The following F13A1 variants were observed in gnomAD, a reference collection of about 807,000 sequenced individuals.
F13A1 encodes coagulation factor XIII A chain.
Under a neutral mutation model 80.1 loss-of-function variants are expected in F13A1, and 47 were observed. That is an observed-to-expected ratio of 0.59 (90% CI 0.46 to 0.75). The LOEUF is 0.75. Among genes scored for constraint, F13A1 ranks in the 30% least tolerant of loss-of-function variants. The pLI is 0.00. For missense variants in F13A1, 817 were observed against 930.4 expected (o/e 0.88, Z 1.59); for synonymous variants, 349 against 344.9 (o/e 1.01, Z -0.13).
chr6:6,250,190 T>C lies in F13A1; in HGVS notation c.690+621A>G, dbSNP rs553136022. Among the ~76,000 whole-genome samples the C allele has an allele frequency of 2.2e-4, 34 of 152,314 alleles. No homozygotes were observed. In the South Asian group the frequency reaches 5.0e-3, roughly 22 times the overall value. On this transcript the variant is annotated intron_variant, in intron 5 of 14. Transcript: ENST00000264870. The surrounding 1 kb of genome is among the most constrained non-coding windows in gnomAD (Gnocchi z 4.2). ...TGAAATCACAGGACATGCATTCATT[T>C]ATGGAAAATTGGTAAAATATCATTC...
chr6:6,167,362 T>TAA, intron 13 of F13A1, 96 bp downstream of exon 13: 6 of 1,114,116 alleles, frequency 5.4e-6, no homozygotes, highest in Non-Finnish European at 7.7e-6. Context: ...GGACATTCAT[T>TAA]CACACACACA....
At chr6:6,270,030 A>T (rs189840471) in intron 3 of F13A1, among the ~76,000 whole-genome samples, 59 of 152,246 alleles carry the variant, frequency 3.9e-4, no homozygotes, top group Middle Eastern at 3.4e-3. Context: ...GTTTATATAA[A>T]GTTTAATTGG....
intron 6 of F13A1, among the ~76,000 whole-genome samples, chr6:6,233,011 G>A (rs111930227): frequency 0.026 from 3,975 of 151,908 alleles, 181 homozygotes; most frequent in African/African-American, 0.09. Flanking sequence ...CCAAAGGAGC[G>A]CAAACTGACA....
At chr6:6,191,887 G>T (rs1379352259) in intron 10 of F13A1, among the ~76,000 whole-genome samples, 5 of 152,224 alleles carry the variant, frequency 3.3e-5, no homozygotes, top group African/African-American at 1.2e-4. Flanking sequence ...GGGAGAAATG[G>T]AGTACACACT....
chr6:6,296,344 C>T (rs1758327554), intron 3 of F13A1, among the ~76,000 whole-genome samples: 1 of 148,374 alleles, frequency 6.7e-6, no homozygotes, highest in African/African-American at 2.5e-5. Flanking sequence ...GGCAGTATGG[C>T]CATTTTCACG....
chr6:6,293,810 G>GGAGA (rs1758271351), intron 3 of F13A1, among the ~76,000 whole-genome samples: 1 of 119,006 alleles, frequency 8.4e-6, no homozygotes, highest in African/African-American at 3.5e-5. Context: ...AGGGAGGGAG[G>GGAGA]GAGGGAGGGA....
intron 6 of F13A1, among the ~76,000 whole-genome samples, chr6:6,239,849 A>G (rs1331102492): frequency 6.6e-6 from 1 of 152,120 alleles, no homozygotes; most frequent in Non-Finnish European, 1.5e-5. Flanking sequence ...CGTATGAGAG[A>G]GGGAAAAATG....
chr6:6,203,918 T>C (rs1263073820), intron 8 of F13A1, among the ~76,000 whole-genome samples: 2 of 152,204 alleles, frequency 1.3e-5, no homozygotes, highest in Non-Finnish European at 2.9e-5. Flanking sequence ...ATAATAAACA[T>C]GTATTAGGTT....
intron 13 of F13A1, among the ~76,000 whole-genome samples, chr6:6,154,968 G>T (rs1252162307): frequency 6.6e-6 from 1 of 152,130 alleles, no homozygotes; most frequent in Admixed American, 6.5e-5. Flanking sequence ...ATATAAGGAT[G>T]GGCATAAGCC....
chr6:6,316,778 C>T (rs1355462737), intron 2 of F13A1, among the ~76,000 whole-genome samples: 1 of 152,150 alleles, frequency 6.6e-6, no homozygotes, highest in Non-Finnish European at 1.5e-5. Flanking sequence ...AGACACTGCT[C>T]ACTAGATGCT....
chr6:6,174,588 G>T lies in F13A1; in HGVS notation c.1739C>A (p.Pro580His). Residue 580 changes from proline to histidine, a missense_variant, in exon 12 of 15, where the codon CCC becomes CAC. Physicochemically the swap from Pro to His is moderately conservative, Grantham distance 77. Transcript: ENST00000264870. The part of the protein sequence containing the change: ...KKETFDVTLE[P>H]LSFKKEAVLI... ...CACCATTGTTAGCTTACAGGACAAG[G>T]GCTCCAGCGTCACGTCGAACGTCTC... 1 of 1,614,072 alleles carries T rather than the reference G, an allele frequency of 6.2e-7. No homozygotes were observed. Among genetic ancestry groups the T allele is most frequent in the Admixed American group, 1.7e-5 (1 of 60,014 alleles).
At chr6:6,208,972 GAAATAATTAA>G (rs1380853721) in intron 8 of F13A1, among the ~76,000 whole-genome samples, 3 of 152,036 alleles carry the variant, frequency 2.0e-5, no homozygotes, top group Non-Finnish European at 2.9e-5. Context: ...AGCATCCAAA[GAAATAATTAA>G]AAAGTTGGAT....
chr6:6,272,312 GTC>G (rs1561674951), intron 3 of F13A1, among the ~76,000 whole-genome samples: 1 of 152,156 alleles, frequency 6.6e-6, no homozygotes, highest in Non-Finnish European at 1.5e-5. Flanking sequence ...ACATGGTATG[GTC>G]AGTATGGTTG....
intron 3 of F13A1, among the ~76,000 whole-genome samples, chr6:6,283,376 C>T (rs1041270265): frequency 6.6e-6 from 1 of 152,196 alleles, no homozygotes; most frequent in Non-Finnish European, 1.5e-5. Flanking sequence ...TAGAAAAACT[C>T]AAATGTGTTC....
At position 6,144,575 on chromosome 6, in the gene F13A1, C is replaced by G. The variant is rs1397543311; in HGVS notation, c.*1044G>C. On this transcript the variant is annotated 3_prime_UTR_variant, in exon 15 of 15. Coordinates refer to ENST00000264870, the MANE Select transcript of F13A1 (RefSeq NM_000129.4). ...GAACTAGCACTGGCTATTTGCAAGGCTGAGTCCATATTACCCTTCAGCACC... is the reference window on the plus strand; with the variant it reads ...GAACTAGCACTGGCTATTTGCAAGGGTGAGTCCATATTACCCTTCAGCACC... The G allele has an allele frequency of 6.6e-6, 1 of 152,186 alleles. No individual in the cohort carries two copies. The highest frequency in any genetic ancestry group is 2.4e-5 in the African/African-American group (1 of 41,456). The allele number at this position is 152,186 out of a possible 1,614,324, so 9.4% of individuals were successfully genotyped here. A position where few individuals can be genotyped will look rare whatever the true frequency, so the allele number is the denominator to read the frequency against.
intron 8 of F13A1, among the ~76,000 whole-genome samples, chr6:6,201,715 T>A (rs1354615632): frequency 6.6e-6 from 1 of 152,184 alleles, no homozygotes; most frequent in African/African-American, 2.4e-5. Context: ...TTTGTTTTGT[T>A]TTGTTTTGTT....
intron 8 of F13A1, among the ~76,000 whole-genome samples, chr6:6,214,705 C>T (rs1761687891): frequency 3.3e-5 from 3 of 90,288 alleles, no homozygotes; most frequent in African/African-American, 1.7e-4. Flanking sequence ...GAAATAGAGA[C>T]ACAAAAAACC....
intron 12 of F13A1, among the ~76,000 whole-genome samples, chr6:6,173,365 C>A (rs1221970809): frequency 1.3e-5 from 2 of 151,782 alleles, no homozygotes; most frequent in East Asian, 1.9e-4. Context: ...TCTTCCTAGG[C>A]CCCTCCTAGA....
chr6:6,164,461 C>T (rs1315511280), intron 13 of F13A1, among the ~76,000 whole-genome samples: 2 of 151,582 alleles, frequency 1.3e-5, no homozygotes, highest in Admixed American at 1.3e-4. Context: ...ACATAACAAA[C>T]CTTCATATGT....
Sources: allele counts gnomAD v4.1 joint callset (sites outside exome capture counted in the v4.1 genomes callset), GRCh38; gene constraint gnomAD v4.1.1; non-coding constraint Gnocchi (gnomAD v3.1); transcripts MANE v1.5; gene names NCBI Gene and HGNC (gene_info 2026-07-23, HGNC 2026-07-21).